MITF: variants seen among roughly 807,000 people sequenced by gnomAD.
The protein encoded by MITF is melanocyte inducing transcription factor, also known as microphthalmia-associated transcription factor.
In MITF, 17 loss-of-function variants were observed where a neutral mutation model predicts 60.5. The ratio of observed to expected loss-of-function variants is 0.28; its 90% CI spans 0.19 to 0.42. The LOEUF is 0.42. Ranked by LOEUF, MITF falls within the 10% of genes least tolerant of loss-of-function variation. MITF has a pLI of 1.00. For missense variants in MITF, 622 were observed against 683.5 expected, an observed-to-expected ratio of 0.91 and a Z score of 1.00; for synonymous variants, 260 against 248.5, an observed-to-expected ratio of 1.05 and a Z score of -0.43.
intron 1 of MITF, among the ~76,000 whole-genome samples, chr3:69,759,260 C>A (rs1304340777): frequency 6.6e-6 from 1 of 152,130 alleles, no homozygotes; most frequent in Non-Finnish European, 1.5e-5. Context: ...TTGTGGCCAG[C>A]AGCACTATAA....
chr3:69,768,195 C>T (rs1440140551), intron 1 of MITF, among the ~76,000 whole-genome samples: 2 of 152,220 alleles, frequency 1.3e-5, no homozygotes, highest in Non-Finnish European at 2.9e-5. Context: ...GATTCCCCTC[C>T]TTTCCTGAAG....
intron 2 of MITF, among the ~76,000 whole-genome samples, chr3:69,895,592 G>A (rs553439877): frequency 2.6e-5 from 4 of 151,846 alleles, no homozygotes; most frequent in Non-Finnish European, 5.9e-5. Flanking sequence ...ACAATTTTTG[G>A]TCACAGGATG....
chr3:69,951,610 T>C (rs964024138), intron 6 of MITF, among the ~76,000 whole-genome samples: 1 of 152,182 alleles, frequency 6.6e-6, no homozygotes, highest in Non-Finnish European at 1.5e-5. Flanking sequence ...GCCCAGTTTT[T>C]ACATATTGTA....
intron 1 of MITF, among the ~76,000 whole-genome samples, chr3:69,743,998 A>G (rs1703630703): frequency 6.6e-6 from 1 of 152,204 alleles, no homozygotes; most frequent in African/African-American, 2.4e-5. Context: ...AATCTTTAGT[A>G]CTATTTAGAC....
Position 69,763,618 on chromosome 3 carries a change from G to T in MITF, c.104+23917G>T, listed in dbSNP as rs569956680. 13 of 1,213,844 alleles carry T rather than the reference G, an allele frequency of 1.1e-5. No individual in the cohort carries two copies. In the African/African-American group the frequency reaches 1.9e-4, roughly 18 times the overall value. The allele number at this position is 1,213,844 out of a possible 1,614,324, so 75.2% of individuals were successfully genotyped here. A position where few individuals can be genotyped will look rare whatever the true frequency, so the allele number is the denominator to read the frequency against. On this transcript the variant is annotated intron_variant, in intron 1 of 9. Transcript: ENST00000352241. ...AGCGTGTGGCAGAACGTCTGCAATC[G>T]CATCTTTGTAATAATCTCCTTTCTG...
chr3:69,850,960 T>C (rs1050034391), intron 1 of MITF, among the ~76,000 whole-genome samples: 1 of 152,150 alleles, frequency 6.6e-6, no homozygotes, highest in African/African-American at 2.4e-5. Flanking sequence ...ACTCTGTGCA[T>C]TGCAAATGAG....
At chr3:69,956,021 A>G (rs958542739) in intron 7 of MITF, among the ~76,000 whole-genome samples, 9 of 152,106 alleles carry the variant, frequency 5.9e-5, no homozygotes, top group Non-Finnish European at 1.3e-4. Context: ...AATATCCTCA[A>G]TTTTGCTACT....
At chr3:69,936,492 A>T in intron 2 of MITF, 2 of 911,898 alleles carry the variant, frequency 2.2e-6, no homozygotes, top group South Asian at 2.9e-5. Flanking sequence ...CCAAACTCGT[A>T]GGGCTTCCAA....
rs551923350 is a variant in MITF at position 69,747,406 on chromosome 3, A to G, written c.104+7705A>G. Among the ~76,000 whole-genome samples the G allele has an allele frequency of 1.2e-3, 185 of 152,374 alleles. 6 individuals are homozygous for G. The South Asian group carries it at 0.037, about 31-fold the overall frequency. On this transcript the variant is annotated intron_variant, in intron 1 of 9. Coordinates refer to ENST00000352241, the MANE Select transcript of MITF (RefSeq NM_001354604.2). ...ATCTGACATAAAGGCACAAATCCAG[A>G]CACTACCACTCACTGGCTCTGTGAC... is the stretch of plus-strand genomic sequence containing the variant.
At chr3:69,847,735 G>A (rs766929768) in intron 1 of MITF, among the ~76,000 whole-genome samples, 6 of 152,200 alleles carry the variant, frequency 3.9e-5, no homozygotes, top group Non-Finnish European at 5.9e-5. Context: ...AGTCTACTCC[G>A]TAACTCACAC....
chr3:69,814,709 T>C (rs940738692), intron 1 of MITF, among the ~76,000 whole-genome samples: 1 of 152,074 alleles, frequency 6.6e-6, no homozygotes, highest in African/African-American at 2.4e-5. Flanking sequence ...TATCTTTGTA[T>C]ACCAAAGAGG....
At chr3:69,938,541 C>T (rs2065897812) in intron 3 of MITF, 1 of 1,420,658 alleles carries the variant, frequency 7.0e-7, no homozygotes, top group African/African-American at 1.4e-5. Flanking sequence ...AATCATATAG[C>T]ACATGAGACT....
At chr3:69,854,901 G>C (rs375779321) in intron 1 of MITF, among the ~76,000 whole-genome samples, 252 of 152,272 alleles carry the variant, frequency 1.7e-3, no homozygotes, top group African/African-American at 5.8e-3. Context: ...TCAGTGAAAA[G>C]GCAGTGAGTT....
chr3:69,854,879 AAGTATT>A (rs2063889210), intron 1 of MITF, among the ~76,000 whole-genome samples: 1 of 152,190 alleles, frequency 6.6e-6, no homozygotes, highest in South Asian at 2.1e-4. Context: ...TACTCCTCTA[AAGTATT>A]AAAATTCAGT....
intron 2 of MITF, among the ~76,000 whole-genome samples, chr3:69,899,440 G>C (rs1575915484): frequency 6.6e-6 from 1 of 152,308 alleles, no homozygotes; most frequent in East Asian, 1.9e-4. Context: ...GGAAAGGCAT[G>C]GGAAGCCATG....
chr3:69,920,768 T>A (rs1025114014), intron 2 of MITF, among the ~76,000 whole-genome samples: 1 of 152,196 alleles, frequency 6.6e-6, no homozygotes, highest in African/African-American at 2.4e-5. Context: ...TTTGTGGTAG[T>A]GGTTCCCCGG....
At chr3:69,751,576 A>G (rs962615654) in intron 1 of MITF, among the ~76,000 whole-genome samples, 1 of 114,628 alleles carries the variant, frequency 8.7e-6, no homozygotes, top group African/African-American at 3.4e-5. Flanking sequence ...TTTTTTTGGC[A>G]TGTTGACATT....
chr3:69,775,059 A>G (rs933458860), intron 1 of MITF, among the ~76,000 whole-genome samples: 18 of 151,934 alleles, frequency 1.2e-4, no homozygotes, highest in African/African-American at 4.1e-4. Context: ...TTTAGTCTCC[A>G]CTTAAAGGTT....
At chr3:69,810,164 G>A (rs1219311627) in intron 1 of MITF, among the ~76,000 whole-genome samples, 1 of 152,158 alleles carries the variant, frequency 6.6e-6, no homozygotes, top group East Asian at 1.9e-4. Context: ...AAAACTGGAT[G>A]TTATTTTTCA....
Sources: gnomAD v4.1 joint callset for allele counts (sites outside exome capture counted in the v4.1 genomes callset) on GRCh38, gnomAD v4.1.1 for gene constraint, MANE v1.5 for transcripts, NCBI Gene and HGNC (gene_info 2026-07-23, HGNC 2026-07-21) for gene names.